The following CNTN5 variants were observed in gnomAD, a reference collection of about 807,000 sequenced individuals.
CNTN5 encodes the protein contactin-5.
Under a neutral mutation model 129.1 loss-of-function variants are expected in CNTN5, and 77 were observed. That is an observed-to-expected ratio of 0.60 (90% CI 0.50 to 0.72). The LOEUF (loss-of-function observed/expected upper bound fraction) is 0.72, where lower values mean the gene tolerates loss of function less well. CNTN5 is among the 30% of genes least tolerant of loss of function. CNTN5 has a pLI of 0.00. For synonymous variants in CNTN5, 509 were observed against 465.6 expected (o/e 1.09, Z -1.20); for missense variants, 1,478 against 1,328.8 (o/e 1.11, Z -1.75).
chr11:99,138,132 C>A (rs950150788), intron 1 of CNTN5, among the ~76,000 whole-genome samples: 6 of 152,086 alleles, frequency 3.9e-5, no homozygotes, highest in African/African-American at 1.4e-4. Context: ...TAAACACATT[C>A]TTTCCTTTTT....
At chr11:99,171,211 A>T (rs755921325) in intron 1 of CNTN5, among the ~76,000 whole-genome samples, 1 of 152,208 alleles carries the variant, frequency 6.6e-6, no homozygotes, top group Non-Finnish European at 1.5e-5. Context: ...TCATAGATAC[A>T]TATGCCATCA....
chr11:99,592,723 TG>T (rs1218172938), intron 3 of CNTN5, among the ~76,000 whole-genome samples: 1 of 152,206 alleles, frequency 6.6e-6, no homozygotes, highest in African/African-American at 2.4e-5. Context: ...TAAATATTTT[TG>T]TTTGTTTTTT....
chr11:99,645,540 G>A (rs1049224730), intron 3 of CNTN5, among the ~76,000 whole-genome samples: 2 of 151,884 alleles, frequency 1.3e-5, no homozygotes, highest in Non-Finnish European at 2.9e-5. Context: ...CAAACACTTG[G>A]AACCAACCCA....
chr11:100,210,752 C>T (rs534990832), intron 15 of CNTN5, among the ~76,000 whole-genome samples: 1 of 152,184 alleles, frequency 6.6e-6, no homozygotes, highest in South Asian at 2.1e-4. Context: ...AATGTGAACC[C>T]CATCAACGTC....
chr11:99,374,718 G>A (rs1940053612), intron 2 of CNTN5, among the ~76,000 whole-genome samples: 1 of 152,034 alleles, frequency 6.6e-6, no homozygotes, highest in East Asian at 1.9e-4. Context: ...AGATAATATG[G>A]AACTTAATGT....
intron 17 of CNTN5, 44 bp downstream of exon 17, chr11:100,255,962 T>C: frequency 6.4e-7 from 1 of 1,568,586 alleles, no homozygotes; most frequent in African/African-American, 1.4e-5. Flanking sequence ...AGAGTGGCCT[T>C]CTATCTCATA....
chr11:100,119,153 T>C (rs1400893436), intron 13 of CNTN5, among the ~76,000 whole-genome samples: 1 of 151,898 alleles, frequency 6.6e-6, no homozygotes, highest in Non-Finnish European at 1.5e-5. Context: ...CCACTGAAGA[T>C]ATTATCCTAA....
chr11:99,972,946 A>G (rs1937676752), intron 8 of CNTN5, among the ~76,000 whole-genome samples: 1 of 152,078 alleles, frequency 6.6e-6, no homozygotes, highest in Non-Finnish European at 1.5e-5. Context: ...GTTTCCGTAC[A>G]TTTCCATGGT....
At chr11:99,235,774 G>A (rs191571925) in intron 1 of CNTN5, among the ~76,000 whole-genome samples, 1 of 152,262 alleles carries the variant, frequency 6.6e-6, no homozygotes, top group African/African-American at 2.4e-5. Context: ...AATGTCCTAT[G>A]AGGAATACTT....
At chr11:99,615,758 T>G (rs577806335) in intron 3 of CNTN5, among the ~76,000 whole-genome samples, 4 of 101,824 alleles carry the variant, frequency 3.9e-5, no homozygotes, top group South Asian at 5.2e-4. Flanking sequence ...ACACATCTTG[T>G]TTTTTTTTTT....
intron 3 of CNTN5, among the ~76,000 whole-genome samples, chr11:99,575,377 C>A (rs899294233): frequency 6.6e-6 from 1 of 152,118 alleles, no homozygotes; most frequent in Non-Finnish European, 1.5e-5. Flanking sequence ...ATTTTCTTTA[C>A]CTCGGAATAG....
At chr11:100,328,188 C>CA (rs5794049) in intron 21 of CNTN5, among the ~76,000 whole-genome samples, 8 of 150,144 alleles carry the variant, frequency 5.3e-5, no homozygotes, top group African/African-American at 1.5e-4. Flanking sequence ...ATGTCGCTAC[C>CA]AAAAAAAAAA....
At chr11:99,390,660 C>T (rs1941213889) in intron 2 of CNTN5, among the ~76,000 whole-genome samples, 1 of 152,034 alleles carries the variant, frequency 6.6e-6, no homozygotes, top group African/African-American at 2.4e-5. Flanking sequence ...TTCAATGTCT[C>T]TAAAATTTTC....
chr11:99,074,814 T>C (rs1865492307), intron 1 of CNTN5, among the ~76,000 whole-genome samples: 1 of 152,048 alleles, frequency 6.6e-6, no homozygotes, highest in Non-Finnish European at 1.5e-5. Context: ...GCTCAGTAGA[T>C]TCAAAAAGAA....
chr11:99,237,210 C>A (rs1294757249), intron 1 of CNTN5, among the ~76,000 whole-genome samples: 1 of 151,682 alleles, frequency 6.6e-6, no homozygotes, highest in Non-Finnish European at 1.5e-5. Context: ...TTTGTTCATT[C>A]TTTGTTCTGT....
At chr11:99,420,631 T>C (rs1942846040) in intron 2 of CNTN5, among the ~76,000 whole-genome samples, 1 of 152,006 alleles carries the variant, frequency 6.6e-6, no homozygotes, top group Admixed American at 6.6e-5. Context: ...CATAATTGAG[T>C]TGTGGAAAGG....
rs531233198 is a variant in CNTN5, at chr11:99,990,012, G to A, written c.878-12022G>A. On this transcript the variant is annotated intron_variant, in intron 8 of 24. Coordinates refer to ENST00000524871, the MANE Select transcript of CNTN5 (RefSeq NM_014361.4). ...AGTCTCCTGACCTCATGATATGCCC[G>A]CCTCAGCCTCCCAAAGTCCTGGGGT... 5.9e-5 allele frequency among the ~76,000 whole-genome samples: 9 copies of A among 152,208 alleles called. No homozygotes were observed. In the East Asian group the frequency reaches 1.4e-3, roughly 23 times the overall value.
intron 3 of CNTN5, among the ~76,000 whole-genome samples, chr11:99,793,802 T>TA (rs890625663): frequency 1.6e-4 from 25 of 152,160 alleles, no homozygotes; most frequent in African/African-American, 5.1e-4. Flanking sequence ...TTTCAATTTA[T>TA]AAAAAAATAA....
chr11:99,586,675 A>G, intron 3 of CNTN5, among the ~76,000 whole-genome samples: 1 of 152,194 alleles, frequency 6.6e-6, no homozygotes, highest in East Asian at 1.9e-4. Flanking sequence ...TATACCCTAT[A>G]TCATAGTTGA....
Sources: gnomAD v4.1 joint callset for allele counts (sites outside exome capture counted in the v4.1 genomes callset) on GRCh38, gnomAD v4.1.1 for gene constraint, MANE v1.5 for transcripts, NCBI Gene and HGNC (gene_info 2026-07-23, HGNC 2026-07-21) for gene names.